NHS: variants seen among roughly 807,000 people sequenced by gnomAD.
The protein encoded by NHS is NHS actin remodeling regulator.
NHS carries 5 observed loss-of-function variants against 72.5 expected under a neutral mutation model. That is an observed-to-expected ratio of 0.07 (90% CI 0.04 to 0.14). The LOEUF is 0.14. Ranked by LOEUF, NHS falls within the 10% of genes least tolerant of loss-of-function variation. NHS has a pLI of 1.00. For missense variants in NHS, 1,072 were observed against 1,355.7 expected (o/e 0.79, Z 3.29); for synonymous variants, 464 against 547.7 (o/e 0.85, Z 2.13).
intron 5 of NHS, among the ~76,000 whole-genome samples, chrX:17,723,988 A>C (rs2066425665): frequency 9.0e-6 from 1 of 111,372 alleles, no homozygotes; most frequent in African/African-American, 3.3e-5. Context: ...AAAGGTTATA[A>C]ATCCTTAAGG....
chrX:17,430,999 G>T (rs960099595), intron 1 of NHS, among the ~76,000 whole-genome samples: 4 of 111,810 alleles, frequency 3.6e-5, no homozygotes, highest in Non-Finnish European at 7.5e-5. Context: ...CCTAAGGAGT[G>T]GAATTTCTGG....
At chrX:17,537,076 C>G (rs755353472) in intron 1 of NHS, among the ~76,000 whole-genome samples, 4 of 112,203 alleles carry the variant, frequency 3.6e-5, no homozygotes, top group Non-Finnish European at 7.5e-5. Flanking sequence ...AGACTCTTGT[C>G]ATGTCCAAGC....
intron 1 of NHS, among the ~76,000 whole-genome samples, chrX:17,568,920 G>C (rs1421544297): frequency 3.6e-5 from 4 of 109,812 alleles, no homozygotes; most frequent in African/African-American, 1.3e-4. Flanking sequence ...GCGGTGTTTG[G>C]TTTTCTGACC....
intron 1 of NHS, among the ~76,000 whole-genome samples, chrX:17,475,054 AT>A (rs760189126): frequency 6.3e-5 from 7 of 111,831 alleles, no homozygotes; most frequent in Non-Finnish European, 1.1e-4. Flanking sequence ...GTAATAAGGG[AT>A]TGGGGGAAGG....
intron 1 of NHS, among the ~76,000 whole-genome samples, chrX:17,419,868 T>C (rs1298132126): frequency 8.9e-6 from 1 of 112,165 alleles, no homozygotes. Context: ...TAAATACTTT[T>C]GGAATAAGTA....
intron 1 of NHS, among the ~76,000 whole-genome samples, chrX:17,489,741 C>G (rs1265808772): frequency 1.8e-5 from 2 of 112,143 alleles, no homozygotes; most frequent in Non-Finnish European, 3.8e-5. Flanking sequence ...CCCACCTCGG[C>G]CTCCCAAAGT....
At chrX:17,410,396 AG>A (rs2064551591) in intron 1 of NHS, among the ~76,000 whole-genome samples, 1 of 110,837 alleles carries the variant, frequency 9.0e-6, no homozygotes, top group South Asian at 3.9e-4. Flanking sequence ...GTGTAGAAAG[AG>A]TCAGGACCTT....
At chrX:17,506,149 C>T (rs983213374) in intron 1 of NHS, among the ~76,000 whole-genome samples, 3 of 111,475 alleles carry the variant, frequency 2.7e-5, no homozygotes, top group African/African-American at 9.8e-5. Flanking sequence ...AACTTTGTCA[C>T]CTCACATTTC....
chrX:17,663,244 T>A (rs1321153443), intron 1 of NHS, among the ~76,000 whole-genome samples: 1 of 111,884 alleles, frequency 8.9e-6, no homozygotes, highest in African/African-American at 3.2e-5. Context: ...TTAAGTGAGA[T>A]GTAATTTACA....
intron 1 of NHS, among the ~76,000 whole-genome samples, chrX:17,411,810 C>G (rs1269219744): frequency 1.8e-5 from 2 of 111,768 alleles, no homozygotes; most frequent in African/African-American, 6.5e-5. Flanking sequence ...TATATTCACC[C>G]CAAATGCACT....
At chrX:17,522,666 G>A (rs1435297964) in intron 1 of NHS, among the ~76,000 whole-genome samples, 1 of 62 alleles carries the variant, frequency 0.016, no homozygotes, top group Non-Finnish European at 0.042. Context: ...AGCAAATGTG[G>A]GCTTGCTGTA....
chrX:17,525,990 T>C (rs2146939505), intron 1 of NHS, among the ~76,000 whole-genome samples: 1 of 112,019 alleles, frequency 8.9e-6, no homozygotes, highest in South Asian at 3.7e-4. Context: ...GAGCAGCCTT[T>C]CCCTAGTGTG....
intron 1 of NHS, among the ~76,000 whole-genome samples, chrX:17,582,134 C>T (rs1442651972): frequency 5.4e-5 from 6 of 111,849 alleles, no homozygotes. Context: ...TCCTCACTTA[C>T]TTTCTCTTTT....
chrX:17,679,030 C>T (rs995846147), intron 1 of NHS, among the ~76,000 whole-genome samples: 2 of 111,243 alleles, frequency 1.8e-5, no homozygotes, highest in African/African-American at 6.5e-5. Flanking sequence ...GTTTGTACTG[C>T]ACCTGAGTCA....
At chrX:17,506,965 A>G (rs1427121377) in intron 1 of NHS, among the ~76,000 whole-genome samples, 1 of 111,970 alleles carries the variant, frequency 8.9e-6, no homozygotes, top group African/African-American at 3.2e-5. Flanking sequence ...TGGGGAAAAA[A>G]ACACCAGTCA....
At chrX:17,383,873 G>A (rs936495461) in intron 1 of NHS, among the ~76,000 whole-genome samples, 2 of 112,189 alleles carry the variant, frequency 1.8e-5, no homozygotes, top group African/African-American at 3.2e-5. Context: ...TCAGCAGTGA[G>A]AAGGGTAACA....
intron 1 of NHS, among the ~76,000 whole-genome samples, chrX:17,469,567 C>T (rs187143098): frequency 8.9e-6 from 1 of 111,813 alleles, no homozygotes; most frequent in East Asian, 2.8e-4. Context: ...TCTGCTTCAA[C>T]CAGAGCAATG....
At chrX:17,533,804 T>C (rs1190149910) in intron 1 of NHS, among the ~76,000 whole-genome samples, 1 of 111,905 alleles carries the variant, frequency 8.9e-6, no homozygotes, top group Non-Finnish European at 1.9e-5. Flanking sequence ...TTTCATGGCC[T>C]GCACTATGAG....
intron 1 of NHS, among the ~76,000 whole-genome samples, chrX:17,667,645 G>A (rs2066020404): frequency 1.8e-5 from 2 of 111,701 alleles, no homozygotes; most frequent in Admixed American, 1.9e-4. Flanking sequence ...TGTAGGTATT[G>A]TTTGGTTTTC....
Sources: gnomAD v4.1 joint callset for allele counts (sites outside exome capture counted in the v4.1 genomes callset) on GRCh38, gnomAD v4.1.1 for gene constraint, MANE v1.5 for transcripts, NCBI Gene and HGNC (gene_info 2026-07-23, HGNC 2026-07-21) for gene names.